The following MOXD1 variants were observed in gnomAD, a reference collection of about 807,000 sequenced individuals.
MOXD1 encodes monooxygenase DBH like 1.
Under a neutral mutation model 66.6 loss-of-function variants are expected in MOXD1, and 62 were observed. That is an observed-to-expected ratio of 0.93 (90% CI 0.76 to 1.15). The LOEUF is 1.15. Ranked by LOEUF, MOXD1 falls within the 50% of genes most tolerant of loss-of-function variation. The pLI is 0.00. For missense variants in MOXD1, 847 were observed against 754.6 expected, an observed-to-expected ratio of 1.12 and a Z score of -1.44; for synonymous variants, 303 against 281.9, an observed-to-expected ratio of 1.07 and a Z score of -0.75.
chr6:132,346,092 G>T (rs1217289454), intron 4 of MOXD1, among the ~76,000 whole-genome samples: 3 of 151,522 alleles, frequency 2.0e-5, no homozygotes, highest in Admixed American at 6.6e-5. Flanking sequence ...TGATTTCAAG[G>T]CCTAATAATT....
rs2114662761 is a variant in MOXD1 at position 132,372,992 on chromosome 6, GCTATC to G, written c.412_416del (p.Asp138HisfsTer11). The G allele has an allele frequency of 6.2e-7, 1 of 1,611,760 alleles. No individual in the cohort carries two copies. The highest frequency in any genetic ancestry group is 1.7e-5 in the Admixed American group (1 of 59,844). On this transcript the variant is annotated frameshift_variant and splice_region_variant, in exon 3 of 12. Coordinates refer to ENST00000367963, the MANE Select transcript of MOXD1 (RefSeq NM_015529.4). LOFTEE classifies it high-confidence loss of function. ...GGTAGGCCCAGATCACTCTCACAGT[GCTATC>G]CTGGGGATCAGACATGGGCATGATT...
At chr6:132,349,990 ATTTG>A (rs1394942978) in intron 4 of MOXD1, among the ~76,000 whole-genome samples, 1 of 151,750 alleles carries the variant, frequency 6.6e-6, no homozygotes, top group African/African-American at 2.4e-5. Flanking sequence ...TTTCTTACTG[ATTTG>A]TTTGAGTTTG....
At chr6:132,326,551 A>T (rs1246817300) in intron 6 of MOXD1, among the ~76,000 whole-genome samples, 1 of 152,104 alleles carries the variant, frequency 6.6e-6, no homozygotes, top group Admixed American at 6.5e-5. Flanking sequence ...AAAAGTTGCA[A>T]TATAAGACAT....
rs760084242 is a variant in MOXD1, at chr6:132,315,704, CAT to C, written c.1437_1438del (p.Ala481LysfsTer15). 1.9e-6 allele frequency: 3 copies of C among 1,613,458 alleles called. No homozygotes were observed. The highest frequency in any genetic ancestry group is 2.5e-6 in the Non-Finnish European group (3 of 1,179,528). The stretch of plus-strand genomic sequence containing the variant: ...TTCCATAATGTCTGGAATACTTGCA[CAT>C]CGAGTAAGATTAATTCTTGGGTAAT... On this transcript the variant is annotated frameshift_variant, in exon 10 of 12. Transcript: ENST00000367963. LOFTEE classifies it high-confidence loss of function.
In MOXD1 at chr6:132,377,431, C is replaced by T. The variant is rs776667586; in HGVS notation, c.265-2654G>A. On this transcript the variant is annotated intron_variant, in intron 1 of 11. Coordinates refer to ENST00000367963, the MANE Select transcript of MOXD1 (RefSeq NM_015529.4). Reference sequence around the variant, plus strand: ...CAGTTCAAAGAGTAGAATAATTATCCGAGTCTTGCAAATATGTTTCCAAAA... The same window carrying T: ...CAGTTCAAAGAGTAGAATAATTATCTGAGTCTTGCAAATATGTTTCCAAAA... Among the ~76,000 whole-genome samples, 6 of 152,106 alleles carry T rather than the reference C, an allele frequency of 3.9e-5. No homozygotes were observed. In the East Asian group the frequency reaches 5.8e-4, roughly 15 times the overall value.
chr6:132,382,967 G>T (rs1437460064), intron 1 of MOXD1, among the ~76,000 whole-genome samples: 1 of 152,124 alleles, frequency 6.6e-6, no homozygotes, highest in Admixed American at 6.5e-5. Flanking sequence ...TACACAGGAG[G>T]AAGTAAAAAC....
rs1775241868 is a variant in MOXD1, at chr6:132,328,529, GC to G, written c.728del (p.Ser243ThrfsTer30). On this transcript the variant is annotated frameshift_variant, in exon 5 of 12. Coordinates refer to ENST00000367963, the MANE Select transcript of MOXD1 (RefSeq NM_015529.4). LOFTEE classifies it high-confidence loss of function. ...CCAGAACGCTGTCGTTAAAGTTGTT[GC>G]TGCACTGATAGAGCAGGATGTGGTG... is the stretch of plus-strand genomic sequence containing the variant. ...LVHHILLYQC[S>X]NNFNDSVLES... The G allele has an allele frequency of 6.2e-7, 1 of 1,614,012 alleles. No individual in the cohort carries two copies. The highest frequency in any genetic ancestry group is 8.5e-7 in the Non-Finnish European group (1 of 1,180,022).
At chr6:132,376,107 A>C (rs989919280) in intron 1 of MOXD1, among the ~76,000 whole-genome samples, 1 of 152,160 alleles carries the variant, frequency 6.6e-6, no homozygotes, top group Non-Finnish European at 1.5e-5. Context: ...AAAGACACAA[A>C]ATTTGCCTTA....
At chr6:132,370,879 T>C (rs1475322285) in intron 4 of MOXD1, among the ~76,000 whole-genome samples, 2 of 152,152 alleles carry the variant, frequency 1.3e-5, no homozygotes, top group Non-Finnish European at 2.9e-5. Flanking sequence ...ATATGCTTCA[T>C]ATAGGAAAGT....
chr6:132,325,359 G>A (rs916131204), intron 6 of MOXD1, among the ~76,000 whole-genome samples: 6 of 152,202 alleles, frequency 3.9e-5, no homozygotes, highest in African/African-American at 1.4e-4. Flanking sequence ...AAGTAGGTTT[G>A]AATGTTGTTG....
At chr6:132,354,767 C>G (rs1364603109) in intron 4 of MOXD1, among the ~76,000 whole-genome samples, 1 of 152,028 alleles carries the variant, frequency 6.6e-6, no homozygotes, top group East Asian at 1.9e-4. Context: ...AGGGAAGGCC[C>G]ATCAGGTGGG....
intron 1 of MOXD1, among the ~76,000 whole-genome samples, chr6:132,393,733 G>C (rs1462263171): frequency 6.6e-6 from 1 of 152,140 alleles, no homozygotes; most frequent in Non-Finnish European, 1.5e-5. Context: ...GTTCTGCCTG[G>C]GGGCCCAAGA....
chr6:132,351,176 T>C (rs1775792748), intron 4 of MOXD1, among the ~76,000 whole-genome samples: 2 of 152,168 alleles, frequency 1.3e-5, no homozygotes, highest in Admixed American at 1.3e-4. Flanking sequence ...TCCAGTACTA[T>C]GCTGAAGAGG....
intron 1 of MOXD1, among the ~76,000 whole-genome samples, chr6:132,387,581 C>T (rs575909785): frequency 6.7e-6 from 1 of 150,176 alleles, no homozygotes; most frequent in Non-Finnish European, 1.5e-5. Context: ...AGGTGAAACT[C>T]CATCTCTACT....
At chr6:132,374,877 T>A in intron 1 of MOXD1, 100 bp from the exon 2 acceptor site, 1 of 1,215,294 alleles carries the variant, frequency 8.2e-7, no homozygotes, top group South Asian at 1.4e-5. Flanking sequence ...TAGAGTTATT[T>A]TATAAATCCC....
chr6:132,362,243 C>A (rs1021342261), intron 4 of MOXD1, among the ~76,000 whole-genome samples: 3 of 151,962 alleles, frequency 2.0e-5, no homozygotes, highest in African/African-American at 7.2e-5. Flanking sequence ...TAATTTTATT[C>A]GTATATATTT....
intron 4 of MOXD1, among the ~76,000 whole-genome samples, chr6:132,340,070 G>A (rs1328340131): frequency 6.6e-6 from 1 of 151,862 alleles, no homozygotes; most frequent in Non-Finnish European, 1.5e-5. Flanking sequence ...GGGTTTCACC[G>A]TGTTGGCCAG....
At chr6:132,350,402 CTTTG>C (rs1416162571) in intron 4 of MOXD1, among the ~76,000 whole-genome samples, 1 of 151,990 alleles carries the variant, frequency 6.6e-6, no homozygotes, top group Non-Finnish European at 1.5e-5. Flanking sequence ...CACTTTATGT[CTTTG>C]TTTGCTTTGT....
At position 132,297,924 on chromosome 6, in the gene MOXD1, G is replaced by A. The variant is rs1376288776; in HGVS notation, c.1540C>T (p.Gln514Ter). The change falls in exon 11 of 12, where the codon CAA becomes TAA. Residue 514 changes from glutamine to a stop codon, truncating the protein, a stop_gained. Transcript: ENST00000367963. LOFTEE classifies it high-confidence loss of function. ...TWPFIIKSPK[Q>*]YKNLSFMDAM... is the part of the protein sequence containing the mutation. The stretch of plus-strand genomic sequence containing the variant: ...TCCATGAAAGAAAGGTTTTTATATT[G>A]CTTGGGACTTTTGATAATGAAAGGC... 3 of 1,610,508 alleles carry A rather than the reference G, an allele frequency of 1.9e-6. No individual in the cohort carries two copies. Among genetic ancestry groups the A allele is most frequent in the Non-Finnish European group, 8.5e-7 (1 of 1,178,860 alleles).
Sources: gnomAD v4.1 joint callset for allele counts (sites outside exome capture counted in the v4.1 genomes callset) on GRCh38, gnomAD v4.1.1 for gene constraint, MANE v1.5 for transcripts, NCBI Gene and HGNC (gene_info 2026-07-23, HGNC 2026-07-21) for gene names.